CCDC7: variants seen among roughly 807,000 people sequenced by gnomAD.
The protein encoded by CCDC7 is coiled-coil domain-containing protein 7.
Under a neutral mutation model 196.9 loss-of-function variants are expected in CCDC7, and 183 were observed. That is an observed-to-expected ratio of 0.93 (90% CI 0.82 to 1.05). The LOEUF (loss-of-function observed/expected upper bound fraction) is 1.05, where lower values mean the gene tolerates loss of function less well. Ranked by LOEUF, CCDC7 falls within the 50% of genes least tolerant of loss-of-function variation. CCDC7 has a pLI of 0.00. For synonymous variants in CCDC7, 525 were observed against 484.6 expected, an observed-to-expected ratio of 1.08 and a Z score of -1.10; for missense variants, 1,540 against 1,482.2, an observed-to-expected ratio of 1.04 and a Z score of -0.64.
At chr10:32,718,234 C>G (rs2081915529) in intron 25 of CCDC7, among the ~76,000 whole-genome samples, 2 of 152,132 alleles carry the variant, frequency 1.3e-5, no homozygotes, top group Non-Finnish European at 2.9e-5. Flanking sequence ...TCAACATATG[C>G]AAATCAATAA....
intron 29 of CCDC7, among the ~76,000 whole-genome samples, chr10:32,793,749 G>A (rs2083095379): frequency 6.6e-6 from 1 of 152,112 alleles, no homozygotes; most frequent in African/African-American, 2.4e-5. Context: ...TGATTGTAGT[G>A]CATTTATTAC....
At chr10:32,823,056 T>C (rs2090522322) in intron 31 of CCDC7, among the ~76,000 whole-genome samples, 1 of 152,202 alleles carries the variant, frequency 6.6e-6, no homozygotes, top group African/African-American at 2.4e-5. Context: ...AATACATCTG[T>C]TAATGTTCCT....
At chr10:32,708,304 C>G (rs2080173147) in intron 24 of CCDC7, among the ~76,000 whole-genome samples, 1 of 152,272 alleles carries the variant, frequency 6.6e-6, no homozygotes. Flanking sequence ...TTCCTTACAA[C>G]TTGTACAAAA....
At position 32,515,705 on chromosome 10, in the gene CCDC7, G is replaced by A. The variant is rs551854467; in HGVS notation, c.873-2240G>A. Among the ~76,000 whole-genome samples, 348 of 150,180 alleles carry A rather than the reference G, an allele frequency of 2.3e-3. 1 individual carries two copies. The highest frequency in any genetic ancestry group is 8.2e-3 in the African/African-American group (338 of 41,288). On this transcript the variant is annotated intron_variant, in intron 9 of 41. Coordinates refer to ENST00000639629, the Ensembl canonical transcript of CCDC7. ...ACTACAGGCGCCTGCCACCACACCC[G>A]GCTAATTTTTTTTTTTTGTAGAGGC...
At chr10:32,543,850 T>C (rs1261904874) in intron 12 of CCDC7, among the ~76,000 whole-genome samples, 1 of 152,054 alleles carries the variant, frequency 6.6e-6, no homozygotes, top group Non-Finnish European at 1.5e-5. Context: ...ATTATAATTA[T>C]TGCATTTGAA....
chr10:32,695,391 G>A (rs915299135), intron 24 of CCDC7, among the ~76,000 whole-genome samples: 21 of 152,206 alleles, frequency 1.4e-4, no homozygotes, highest in African/African-American at 4.1e-4. Context: ...ATGACAAAAT[G>A]TATCAGAGAA....
At chr10:32,522,024 A>G (rs1022363199) in intron 11 of CCDC7, among the ~76,000 whole-genome samples, 1 of 152,174 alleles carries the variant, frequency 6.6e-6, no homozygotes, top group Admixed American at 6.5e-5. Flanking sequence ...CATATTGTGA[A>G]TCCCACTTGG....
chr10:32,477,757 T>C (rs3006725), intron 8 of CCDC7, among the ~76,000 whole-genome samples: 21,016 of 152,184 alleles, frequency 0.14, 1,760 homozygotes, highest in East Asian at 0.25. Flanking sequence ...TTTTAGTAAG[T>C]ATTGAAGTTG....
intron 28 of CCDC7, among the ~76,000 whole-genome samples, chr10:32,774,991 G>A (rs1031432303): frequency 1.3e-5 from 2 of 152,064 alleles, no homozygotes; most frequent in Non-Finnish European, 2.9e-5. Flanking sequence ...GCAGTTTTGC[G>A]CTATCTTCCT....
At chr10:32,760,182 T>G (rs2077203247) in intron 28 of CCDC7, among the ~76,000 whole-genome samples, 1 of 151,572 alleles carries the variant, frequency 6.6e-6, no homozygotes, top group African/African-American at 2.4e-5. Flanking sequence ...TGGAAGTCAG[T>G]GTGGCGATTC....
At chr10:32,451,882 A>G (rs753827414) in exon 1 of CCDC7, 1 of 1,612,184 alleles carries the variant, frequency 6.2e-7, no homozygotes, top group Non-Finnish European at 8.5e-7. Flanking sequence ...TACTACCAGA[A>G]GATGAAATGA....
chr10:32,547,846 AG>A (rs1453761791), intron 13 of CCDC7, among the ~76,000 whole-genome samples: 2 of 152,008 alleles, frequency 1.3e-5, no homozygotes, highest in Non-Finnish European at 2.9e-5. Context: ...TGGTTACATG[AG>A]TAAGTTCTTT....
intron 16 of CCDC7, among the ~76,000 whole-genome samples, chr10:32,580,617 T>C (rs2058646991): frequency 6.6e-6 from 1 of 152,100 alleles, no homozygotes; most frequent in African/African-American, 2.4e-5. Context: ...GTTTTTCTTG[T>C]ATATAGGAAT....
chr10:32,567,961 C>T, intron 15 of CCDC7, 70 bp downstream of exon 16: 13 of 1,333,986 alleles, frequency 9.7e-6, no homozygotes, highest in South Asian at 3.5e-5. Flanking sequence ...TTATTATTTA[C>T]TTCATTTGTA....
chr10:32,806,326 A>T (rs574320052), intron 30 of CCDC7, among the ~76,000 whole-genome samples: 1 of 152,344 alleles, frequency 6.6e-6, no homozygotes, highest in African/African-American at 2.4e-5. Context: ...GCATAAAAGT[A>T]TGAGTTATTC....
intron 25 of CCDC7, among the ~76,000 whole-genome samples, chr10:32,715,619 G>A (rs1429739162): frequency 1.3e-5 from 2 of 152,198 alleles, no homozygotes; most frequent in African/African-American, 2.4e-5. Flanking sequence ...AAAGGAGCAT[G>A]TTCTAACCCA....
chr10:32,713,683 A>G (rs941552792), intron 25 of CCDC7, among the ~76,000 whole-genome samples: 8 of 152,206 alleles, frequency 5.3e-5, no homozygotes, highest in Non-Finnish European at 1.0e-4. Flanking sequence ...GGGCCCATCA[A>G]TCCTACTCCT....
chr10:32,584,128 A>G (rs2947085), intron 17 of CCDC7, 104 bp from the exon 19 acceptor site: 73,883 of 462,722 alleles, frequency 0.16, 6,563 homozygotes, highest in East Asian at 0.25. Context: ...AGATGAGAGC[A>G]AAAAGCTAGC....
chr10:32,547,967 C>G (rs1280626893), intron 13 of CCDC7, among the ~76,000 whole-genome samples: 1 of 152,140 alleles, frequency 6.6e-6, no homozygotes, highest in Admixed American at 6.5e-5. Context: ...CTCAAGTCCC[C>G]AAAGTCTATT....
Sources: gnomAD v4.1 joint callset for allele counts (sites outside exome capture counted in the v4.1 genomes callset) on GRCh38, gnomAD v4.1.1 for gene constraint, MANE v1.5 for transcripts, NCBI Gene and HGNC (gene_info 2026-07-23, HGNC 2026-07-21) for gene names.